Variants in MECOM observed in about 807,000 individuals in gnomAD.
MECOM encodes histone-lysine N-methyltransferase MECOM.
Under a neutral mutation model 116.3 loss-of-function variants are expected in MECOM, and 13 were observed. The observed-to-expected ratio is 0.11, with a 90% confidence interval of 0.07 to 0.18. The LOEUF is 0.18. Among genes scored for constraint, MECOM ranks in the 10% least tolerant of loss-of-function variants. The pLI, the probability that MECOM is intolerant of heterozygous loss-of-function variation, is 1.00. For missense variants in MECOM, 1,299 were observed against 1,509.0 expected, an observed-to-expected ratio of 0.86 and a Z score of 2.31; for synonymous variants, 528 against 535.2, an observed-to-expected ratio of 0.99 and a Z score of 0.19.
chr3:169,207,249 T>C (rs185257917), intron 2 of MECOM, among the ~76,000 whole-genome samples: 36 of 152,270 alleles, frequency 2.4e-4, no homozygotes, highest in African/African-American at 8.4e-4. Context: ...TGGATAGGCG[T>C]TCCAGGTTAA....
At position 169,146,521 on chromosome 3, in the gene MECOM, G is replaced by T; in HGVS notation, c.376-2689C>A. ...CCCGGAGACGTGTCCAGACCGCACCGTTTCGCAGGAGGAACAAGGAAATCG... is the reference window on the plus strand; with the variant it reads ...CCCGGAGACGTGTCCAGACCGCACCTTTTCGCAGGAGGAACAAGGAAATCG... On this transcript the variant is annotated intron_variant, in intron 2 of 16. Coordinates refer to ENST00000651503, the MANE Select transcript of MECOM (RefSeq NM_004991.4). 2.9e-6 allele frequency: 4 copies of T among 1,379,146 alleles called. No homozygotes were observed. In the South Asian group the frequency reaches 3.4e-5, roughly 12 times the overall value. 85.4% of individuals were successfully genotyped at this position (1,379,146 alleles called of 1,614,324 possible). A position where few individuals can be genotyped will look rare whatever the true frequency, so the allele number is the denominator to read the frequency against.
intron 2 of MECOM, among the ~76,000 whole-genome samples, chr3:169,221,287 C>A (rs1465187923): frequency 6.6e-6 from 1 of 152,114 alleles, no homozygotes; most frequent in East Asian, 1.9e-4. Flanking sequence ...TCACCTTTGT[C>A]CTAATTTTAT....
intron 1 of MECOM, among the ~76,000 whole-genome samples, chr3:169,531,400 A>G (rs970578160): frequency 6.6e-6 from 1 of 152,198 alleles, no homozygotes; most frequent in Non-Finnish European, 1.5e-5. Context: ...ATTAACAGTA[A>G]CAAAACTCTA....
intron 2 of MECOM, among the ~76,000 whole-genome samples, chr3:169,238,185 AAAAAAG>A (rs1392553420): frequency 3.4e-4 from 51 of 151,514 alleles, no homozygotes; most frequent in African/African-American, 1.2e-3. Context: ...AAAAAAAAAA[AAAAAAG>A]AAAAAAGAAA....
intron 1 of MECOM, among the ~76,000 whole-genome samples, chr3:169,572,195 T>C (rs6444860): frequency 0.32 from 48,469 of 151,724 alleles, 8,912 homozygotes; most frequent in East Asian, 0.72. Context: ...TGAACAGACA[T>C]TTCTCAAAAG....
At chr3:169,438,616 G>A (rs1195007303) in intron 1 of MECOM, among the ~76,000 whole-genome samples, 6 of 152,182 alleles carry the variant, frequency 3.9e-5, no homozygotes, top group Admixed American at 2.6e-4. Context: ...TGCTCTGGCC[G>A]GGCAGTCTCA....
rs201530116 is a variant in MECOM at position 169,472,205 on chromosome 3, T to TA, written c.38-90682dup. ...CTGTGTACCAACAAAAATTAAAAATTAAAAAAAAATTAAAGTTTATTTCCC... is the reference window on the plus strand; with the variant it reads ...CTGTGTACCAACAAAAATTAAAAATTAAAAAAAAAATTAAAGTTTATTTCCC... On this transcript the variant is annotated intron_variant, in intron 1 of 16. Transcript: ENST00000651503. 2.9e-4 allele frequency among the ~76,000 whole-genome samples: 44 copies of TA among 149,882 alleles called. No homozygotes were observed. The South Asian group carries it at 7.0e-3, about 24-fold the overall frequency.
chr3:169,330,309 C>T (rs1027748306), intron 2 of MECOM, among the ~76,000 whole-genome samples: 14 of 152,102 alleles, frequency 9.2e-5, no homozygotes, highest in African/African-American at 3.1e-4. Context: ...CAGGCATAAG[C>T]CACCACACCC....
intron 1 of MECOM, among the ~76,000 whole-genome samples, chr3:169,438,272 A>G (rs1203372912): frequency 9.9e-5 from 15 of 152,114 alleles, no homozygotes; most frequent in Admixed American, 9.8e-4. Context: ...TTTAAAGATT[A>G]TTCAATCCTA....
chr3:169,451,077 C>T (rs1422670803), intron 1 of MECOM, among the ~76,000 whole-genome samples: 1 of 151,422 alleles, frequency 6.6e-6, no homozygotes, highest in African/African-American at 2.4e-5. Context: ...TTTTTTAATC[C>T]AGTCATCTTT....
chr3:169,640,024 A>G (rs1773265328), intron 1 of MECOM, among the ~76,000 whole-genome samples: 1 of 152,200 alleles, frequency 6.6e-6, no homozygotes, highest in Admixed American at 6.5e-5. Context: ...AAGACACAAC[A>G]CAGTGAACCA....
chr3:169,189,490 G>A (rs1747230241), intron 2 of MECOM, among the ~76,000 whole-genome samples: 1 of 151,982 alleles, frequency 6.6e-6, no homozygotes, highest in Admixed American at 6.6e-5. Flanking sequence ...ATCTTCTGGA[G>A]AATACCTCAG....
At position 169,328,857 on chromosome 3, in the gene MECOM, C is replaced by T. The variant is rs144700187; in HGVS notation, c.375+52330G>A. Among the ~76,000 whole-genome samples, 827 of 152,182 alleles carry T rather than the reference C, an allele frequency of 5.4e-3. 22 individuals are homozygous for T. Among genetic ancestry groups the T allele is most frequent in the Non-Finnish European group, 1.7e-3 (115 of 67,998 alleles). On this transcript the variant is annotated intron_variant, in intron 2 of 16. Transcript: ENST00000651503. The stretch of plus-strand genomic sequence containing the variant: ...CCTGGAGACATGATTGTCAGAGCTT[C>T]TAAAATATTTCATGGAATACATTAT...
At chr3:169,172,192 A>G (rs1744519419) in intron 2 of MECOM, among the ~76,000 whole-genome samples, 1 of 152,134 alleles carries the variant, frequency 6.6e-6, no homozygotes, top group South Asian at 2.1e-4. Context: ...CATGTGTAAG[A>G]ACTGGATGGT....
chr3:169,583,149 T>C (rs1175291409), intron 1 of MECOM, among the ~76,000 whole-genome samples: 1 of 152,184 alleles, frequency 6.6e-6, no homozygotes, highest in Non-Finnish European at 1.5e-5. Context: ...ATTAAAAGAT[T>C]GTTTTACAAA....
At chr3:169,214,427 T>TAAA (rs567724280) in intron 2 of MECOM, among the ~76,000 whole-genome samples, 1 of 136,812 alleles carries the variant, frequency 7.3e-6, no homozygotes, top group Non-Finnish European at 1.6e-5. Context: ...CAGGAGTGTT[T>TAAA]AAAAAAAAAA....
intron 2 of MECOM, among the ~76,000 whole-genome samples, chr3:169,316,322 A>G (rs1435042644): frequency 6.6e-6 from 1 of 152,258 alleles, no homozygotes; most frequent in East Asian, 1.9e-4. Context: ...CTTAAATAAA[A>G]GAACAGTATC....
rs141876347 is a variant in MECOM at position 169,359,754 on chromosome 3, C to T, written c.375+21433G>A. Reference sequence around the variant, plus strand: ...ACATCTGGTGTTCTCAAGATTGATGCCTTTTCCAAGATTAAAAAAAGGCTC... The same window carrying T: ...ACATCTGGTGTTCTCAAGATTGATGTCTTTTCCAAGATTAAAAAAAGGCTC... On this transcript the variant is annotated intron_variant, in intron 2 of 16. Coordinates refer to ENST00000651503, the MANE Select transcript of MECOM (RefSeq NM_004991.4). Among the ~76,000 whole-genome samples, 807 of 151,700 alleles carry T rather than the reference C, an allele frequency of 5.3e-3. 3 individuals are homozygous for T. Among genetic ancestry groups the T allele is most frequent in the Non-Finnish European group, 9.6e-3 (648 of 67,774 alleles).
At chr3:169,587,629 C>A (rs11721111) in intron 1 of MECOM, among the ~76,000 whole-genome samples, 1 of 151,884 alleles carries the variant, frequency 6.6e-6, no homozygotes, top group Non-Finnish European at 1.5e-5. Context: ...TATCCTGTAC[C>A]GGAACCATGC....
Sources: allele counts gnomAD v4.1 joint callset (sites outside exome capture counted in the v4.1 genomes callset), GRCh38; gene constraint gnomAD v4.1.1; transcripts MANE v1.5; gene names NCBI Gene and HGNC (gene_info 2026-07-23, HGNC 2026-07-21).